Variants in LIM2 observed in about 807,000 individuals in gnomAD.
LIM2 encodes the protein lens intrinsic membrane protein 2.
LIM2 carries 14 observed loss-of-function variants against 19.0 expected under a neutral mutation model. The observed-to-expected ratio is 0.74, with a 90% CI of 0.49 to 1.15. The LOEUF (loss-of-function observed/expected upper bound fraction) is 1.15. LIM2 is among the 50% of genes most tolerant of loss of function. LIM2 has a pLI of 0.00. For synonymous variants in LIM2, 78 were observed against 89.6 expected (o/e 0.87, Z 0.73); for missense variants, 230 against 243.5 (o/e 0.94, Z 0.37).
chr19:51,383,112 G>A (rs937204002), intron 2 of LIM2, among the ~76,000 whole-genome samples: 3 of 131,628 alleles, frequency 2.3e-5, no homozygotes, highest in Admixed American at 2.0e-4. Context: ...TCAGCTCACT[G>A]CAGCCTCCAC....
intron 2 of LIM2, among the ~76,000 whole-genome samples, chr19:51,384,885 C>T (rs1203159571): frequency 6.6e-6 from 1 of 151,878 alleles, no homozygotes; most frequent in East Asian, 1.9e-4. Context: ...TTTTTTGAGA[C>T]AGGGTCTTGC....
chr19:51,383,818 G>T (rs951201040), intron 2 of LIM2, among the ~76,000 whole-genome samples: 1 of 152,156 alleles, frequency 6.6e-6, no homozygotes, highest in African/African-American at 2.4e-5. Context: ...CAAGGCCCAC[G>T]CTCCTAACTG....
intron 2 of LIM2, among the ~76,000 whole-genome samples, chr19:51,384,409 T>C (rs1462674751): frequency 6.6e-6 from 1 of 152,054 alleles, no homozygotes; most frequent in Non-Finnish European, 1.5e-5. Flanking sequence ...CCAGCCTGGG[T>C]GGCAGAGCGA....
intron 2 of LIM2, among the ~76,000 whole-genome samples, chr19:51,382,846 G>T (rs1439205565): frequency 6.6e-6 from 1 of 151,872 alleles, no homozygotes; most frequent in Non-Finnish European, 1.5e-5. Context: ...TCCCCCTCCA[G>T]CCTGATTGCT....
chr19:51,387,527 C>A, intron 1 of LIM2, 78 bp from the exon 2 acceptor site: 1 of 1,592,232 alleles, frequency 6.3e-7, no homozygotes, highest in Non-Finnish European at 8.5e-7. Flanking sequence ...AGAGAGGGCT[C>A]AGGAGTGGGA....
chr19:51,385,838 G>A (rs1315833899), intron 2 of LIM2, among the ~76,000 whole-genome samples: 6 of 152,266 alleles, frequency 3.9e-5, no homozygotes, highest in Admixed American at 2.0e-4. Context: ...GGCTGGCTCC[G>A]GGAGAGATGA....
chr19:51,387,259 G>C lies in LIM2; in HGVS notation c.175+10C>G, dbSNP rs370233377. The C allele has an allele frequency of 2.5e-6, 4 of 1,614,048 alleles. No individual in the cohort carries two copies. In the African/African-American group the frequency reaches 4.0e-5, roughly 16 times the overall value. ...CCAGGCGCGGCCTGGACCCTGGCCG[G>C]GGGGCTCACCGATGCTGTCTGTCTG... On this transcript the variant is annotated intron_variant, in intron 2 of 4. Transcript: ENST00000596399.
rs537429045 is a variant in LIM2 at position 51,380,756 on chromosome 19, G to A, written c.326-117C>T. The A allele has an allele frequency of 5.4e-6, 6 of 1,119,264 alleles. No homozygotes were observed. The East Asian group carries it at 1.6e-4, about 29-fold the overall frequency. The allele number at this position is 1,119,264 out of a possible 1,614,324, so 69.3% of individuals were successfully genotyped here. A position where few individuals can be genotyped will look rare whatever the true frequency, so the allele number is the denominator to read the frequency against. ...AGATTGGGGAAAGGGGTGGAAATGG[G>A]TTGGGGGTGGGGATAGGAGTGAGGA... On this transcript the variant is annotated intron_variant, in intron 3 of 4. Coordinates refer to ENST00000596399, the MANE Select transcript of LIM2 (RefSeq NM_001161748.2).
intron 2 of LIM2, among the ~76,000 whole-genome samples, chr19:51,386,016 T>C (rs1012234003): frequency 1.3e-5 from 2 of 152,322 alleles, no homozygotes; most frequent in Middle Eastern, 3.4e-3. Context: ...AGTTTATCCA[T>C]GTAAAGTGCT....
At chr19:51,383,027 C>CT (rs1163859181) in intron 2 of LIM2, among the ~76,000 whole-genome samples, 1,298 of 88,234 alleles carry the variant, frequency 0.015, 20 homozygotes, top group Middle Eastern at 0.024. Context: ...TTTTTCTTTT[C>CT]TTTTTTTTTT....
rs746754805 is a variant in LIM2 at position 51,380,500 on chromosome 19, A to C, written c.460+5T>G. On this transcript the variant is annotated splice_donor_5th_base_variant and intron_variant, in intron 4 of 4. Coordinates refer to ENST00000596399, the MANE Select transcript of LIM2 (RefSeq NM_001161748.2). ...ACTGACCTTCCCACCCCTTGCCCCC[A>C]GTACCTGCGAAGAACGTCATGAGCA... 6 of 1,613,984 alleles carry C rather than the reference A, an allele frequency of 3.7e-6. No homozygotes were observed. The highest frequency in any genetic ancestry group is 1.7e-5 in the Admixed American group (1 of 60,000).
At chr19:51,382,925 G>A (rs567197664) in intron 2 of LIM2, among the ~76,000 whole-genome samples, 1 of 151,608 alleles carries the variant, frequency 6.6e-6, no homozygotes, top group Non-Finnish European at 1.5e-5. Flanking sequence ...TTTGCATTCT[G>A]GCCTTGGGAA....
intron 2 of LIM2, among the ~76,000 whole-genome samples, chr19:51,383,425 A>G (rs2123668821): frequency 6.6e-6 from 1 of 152,326 alleles, no homozygotes; most frequent in Non-Finnish European, 1.5e-5. Context: ...GTCTCTCCTC[A>G]GTAAATCCTT....
At chr19:51,383,329 C>G (rs11878329) in intron 2 of LIM2, among the ~76,000 whole-genome samples, 7,653 of 152,196 alleles carry the variant, frequency 0.05, 641 homozygotes, top group African/African-American at 0.17. Context: ...GCCACTGCGC[C>G]CAGCCTACTC....
At chr19:51,385,272 A>G (rs1325110061) in intron 2 of LIM2, among the ~76,000 whole-genome samples, 3 of 152,238 alleles carry the variant, frequency 2.0e-5, no homozygotes, top group Non-Finnish European at 1.5e-5. Context: ...CTATAATCCC[A>G]GCACTTTGGG....
chr19:51,382,549 C>G lies in LIM2; in HGVS notation c.194G>C (p.Arg65Pro). The part of the protein sequence containing the change: ...TDSIAYWNAT[R>P]AFMILSALCA... Reference sequence around the variant, plus strand: ...TAGGGCAGACAGGATCATGAAGGCCCGGGTGGCATTCCAGTATGCTGTGGG... The same window carrying G: ...TAGGGCAGACAGGATCATGAAGGCCGGGGTGGCATTCCAGTATGCTGTGGG... Residue 65 changes from arginine (R) to proline (P), a missense_variant, in exon 3 of 5, where the codon CGG (arginine) becomes CCG (proline). Transcript: ENST00000596399. The G allele has an allele frequency of 6.2e-7, 1 of 1,613,650 alleles. No homozygotes were observed. The highest frequency in any genetic ancestry group is 8.5e-7 in the Non-Finnish European group (1 of 1,179,870).
In LIM2 at chr19:51,380,221, G is replaced by T. The variant is rs150085001; in HGVS notation, c.502C>A (p.Arg168Ser). 6.2e-7 allele frequency: 1 copy of T among 1,613,762 alleles called. No homozygotes were observed. Residue 168 changes from arginine to serine, a missense_variant, in exon 5 of 5, where the codon CGC becomes AGC. Physicochemically the swap from Arg to Ser is moderately radical, Grantham distance 110. Coordinates refer to ENST00000596399, the MANE Select transcript of LIM2 (RefSeq NM_001161748.2). ...TGGGCTCAGCGGGGTGTAGACAGGCGCCGGCATTCATGCACCCGGTAGGCG... is the reference window on the plus strand; with the variant it reads ...TGGGCTCAGCGGGGTGTAGACAGGCTCCGGCATTCATGCACCCGGTAGGCG... ...MCAYRVHECRRLSTPR is the reference protein window; with the variant it reads ...MCAYRVHECRSLSTPR
Position 51,383,414 on chromosome 19 carries a change from T to C in LIM2, c.176-847A>G, listed in dbSNP as rs546869341. Reference sequence around the variant, plus strand: ...TTGTTTTTAACTTATTTATAATGTCTGTCTCTCCTCAGTAAATCCTTAGCT... The same window carrying C: ...TTGTTTTTAACTTATTTATAATGTCCGTCTCTCCTCAGTAAATCCTTAGCT... On this transcript the variant is annotated intron_variant, in intron 2 of 4. Transcript: ENST00000596399. Among the ~76,000 whole-genome samples, 96 of 152,332 alleles carry C rather than the reference T, an allele frequency of 6.3e-4. 1 individual carries two copies. Among genetic ancestry groups the C allele is most frequent in the African/African-American group, 2.2e-3 (93 of 41,570 alleles).
intron 2 of LIM2, among the ~76,000 whole-genome samples, chr19:51,385,563 G>A (rs923759440): frequency 6.6e-6 from 1 of 152,036 alleles, no homozygotes. Flanking sequence ...ACGAAAAAAC[G>A]AAAGACCTTC....
Sources: gnomAD v4.1 joint callset for allele counts (sites outside exome capture counted in the v4.1 genomes callset) on GRCh38, gnomAD v4.1.1 for gene constraint, MANE v1.5 for transcripts, NCBI Gene and HGNC (gene_info 2026-07-23, HGNC 2026-07-21) for gene names.